The following NHLRC2 variants were observed in gnomAD, a reference collection of about 807,000 sequenced individuals.
The protein encoded by NHLRC2 is NHL repeat containing 2, also known as NHL repeat-containing protein 2.
Under a neutral mutation model 68.1 loss-of-function variants are expected in NHLRC2, and 33 were observed. The ratio of observed to expected loss-of-function variants is 0.48; its 90% confidence interval spans 0.37 to 0.65. The LOEUF is 0.65. Among genes scored for constraint, NHLRC2 ranks in the 30% least tolerant of loss-of-function variants. NHLRC2 has a pLI of 0.00. For missense variants in NHLRC2, 761 were observed against 853.8 expected (o/e 0.89, Z 1.35); for synonymous variants, 311 against 309.6 (o/e 1.00, Z -0.05).
At position 113,916,982 on chromosome 10, in the gene NHLRC2, CTG is replaced by C. The variant is rs1355714015; in HGVS notation, c.*8448_*8449del. ...TTGTATTTCTACATTTATTTCAAGA[CTG>C]TACTTTTCAGTGACTTTTTCAAGTG... is the stretch of plus-strand genomic sequence containing the variant. On this transcript the variant is annotated 3_prime_UTR_variant, in exon 11 of 11. Transcript: ENST00000369301. 3 of 152,276 alleles carry C rather than the reference CTG, an allele frequency of 2.0e-5. No homozygotes were observed. Among genetic ancestry groups the C allele is most frequent in the South Asian group, 2.1e-4 (1 of 4,830 alleles). The allele number at this position is 152,276 out of a possible 1,614,324, so 9.4% of individuals were successfully genotyped here.
chr10:113,875,525 C>T (rs1398566749), intron 2 of NHLRC2, among the ~76,000 whole-genome samples: 7 of 152,052 alleles, frequency 4.6e-5, no homozygotes, highest in Non-Finnish European at 1.0e-4. Context: ...AACTGGAACC[C>T]ACTCTCAGGA....
intron 2 of NHLRC2, 124 bp from the exon 3 acceptor site, chr10:113,876,397 T>C: frequency 1.8e-6 from 1 of 553,630 alleles, no homozygotes. Context: ...CCAGCGTAGT[T>C]CTACTTTTCG....
At chr10:113,874,527 A>G (rs1208043742) in intron 2 of NHLRC2, among the ~76,000 whole-genome samples, 1 of 147,682 alleles carries the variant, frequency 6.8e-6, no homozygotes, top group Non-Finnish European at 1.5e-5. Context: ...TTTGTTTATG[A>G]TGTGTCTAGA....
chr10:113,879,682 A>T lies in NHLRC2; in HGVS notation c.896A>T (p.His299Leu). The T allele has an allele frequency of 6.7e-7, 1 of 1,487,142 alleles. No individual in the cohort carries two copies. The highest frequency in any genetic ancestry group is 9.2e-7 in the Non-Finnish European group (1 of 1,092,458). The allele number at this position is 1,487,142 out of a possible 1,614,324, so 92.1% of individuals were successfully genotyped here. Residue 299 changes from histidine (H) to leucine (L), a missense_variant, in exon 4 of 11, where the codon CAC becomes CTC. Transcript: ENST00000369301. The part of the protein sequence containing the change: ...NIIYVADTEN[H>L]LIRKIDLEAE... ...ATATATGTGGCAGACACTGAAAACC[A>T]CCTTATAAGAAAGGTAATTTTCATT...
At chr10:113,886,112 G>A (rs1589543322) in intron 5 of NHLRC2, among the ~76,000 whole-genome samples, 1 of 151,902 alleles carries the variant, frequency 6.6e-6, no homozygotes, top group Non-Finnish European at 1.5e-5. Context: ...ATCCAAAAAG[G>A]AAATTATGGA....
At chr10:113,894,588 ACTAGGAC>A (rs1177377634) in intron 5 of NHLRC2, among the ~76,000 whole-genome samples, 1 of 151,342 alleles carries the variant, frequency 6.6e-6, no homozygotes, top group African/African-American at 2.4e-5. Context: ...TGTTGCACAA[ACTAGGAC>A]CTCCATAAGG....
chr10:113,908,566 C>T lies in NHLRC2; in HGVS notation c.*30C>T, dbSNP rs1394007858. ...CCAGCTAGCTAGCAACCCATTGCCA[C>T]CACCTACTGTCTCCCATCCTGACTA... On this transcript the variant is annotated 3_prime_UTR_variant, in exon 11 of 11. Coordinates refer to ENST00000369301, the MANE Select transcript of NHLRC2 (RefSeq NM_198514.4). The T allele has an allele frequency of 1.2e-6, 2 of 1,610,760 alleles. No homozygotes were observed. Among genetic ancestry groups the T allele is most frequent in the South Asian group, 1.1e-5 (1 of 90,884 alleles).
intron 4 of NHLRC2, among the ~76,000 whole-genome samples, chr10:113,883,923 T>C (rs909114260): frequency 6.6e-6 from 1 of 151,908 alleles, no homozygotes; most frequent in Non-Finnish European, 1.5e-5. Context: ...TTTAGAAACA[T>C]GTATTTTGCT....
intron 6 of NHLRC2, among the ~76,000 whole-genome samples, chr10:113,898,821 T>G (rs1342175296): frequency 6.6e-6 from 1 of 152,210 alleles, no homozygotes; most frequent in African/African-American, 2.4e-5. Context: ...ACTTTAACTT[T>G]CAAAGCCTCA....
Position 113,904,446 on chromosome 10 carries a change from G to A in NHLRC2, c.1705-371G>A, listed in dbSNP as rs188453248. ...CAACATAAATGTCATTTCTCTTCAC[G>A]TAGATCTCTGATATAAGATGAATAA... On this transcript the variant is annotated intron_variant, in intron 9 of 10. Transcript: ENST00000369301. Among the ~76,000 whole-genome samples, 7 of 152,112 alleles carry A rather than the reference G, an allele frequency of 4.6e-5. No individual in the cohort carries two copies. The East Asian group carries it at 9.7e-4, about 21-fold the overall frequency.
At chr10:113,873,299 A>G (rs1318255302) in intron 2 of NHLRC2, among the ~76,000 whole-genome samples, 1 of 152,162 alleles carries the variant, frequency 6.6e-6, no homozygotes, top group Non-Finnish European at 1.5e-5. Flanking sequence ...CTAGAGAACC[A>G]TGGGTGAGTA....
At chr10:113,861,373 T>C (rs955855857) in intron 2 of NHLRC2, among the ~76,000 whole-genome samples, 1 of 152,200 alleles carries the variant, frequency 6.6e-6, no homozygotes, top group African/African-American at 2.4e-5. Context: ...GACACATTAT[T>C]ATCAAACTGC....
chr10:113,897,075 A>G (rs1226119922), intron 5 of NHLRC2, among the ~76,000 whole-genome samples: 1 of 152,082 alleles, frequency 6.6e-6, no homozygotes, highest in African/African-American at 2.4e-5. Context: ...GTTAGAATGA[A>G]TAAGATTATT....
chr10:113,876,149 A>C (rs984576840), intron 2 of NHLRC2, among the ~76,000 whole-genome samples: 29 of 151,894 alleles, frequency 1.9e-4, no homozygotes, highest in African/African-American at 6.5e-4. Flanking sequence ...AATACCTCCC[A>C]AAAGCAGGCA....
Position 113,876,619 on chromosome 10 carries a change from C to T in NHLRC2, c.430C>T (p.Pro144Ser), listed in dbSNP as rs1283605060. Residue 144 changes from proline to serine, a missense_variant, in exon 3 of 11, where the codon CCT becomes TCT. By Grantham distance (74) the Pro-to-Ser change is moderately conservative. Coordinates refer to ENST00000369301, the MANE Select transcript of NHLRC2 (RefSeq NM_198514.4). ...TGTTCTTCGATACAACATCACCCAC[C>T]CTATGGTTAATGATGCAGATGCCAG... ...SAVLRYNITH[P>S]MVNDADASLW... 1.2e-6 allele frequency: 2 copies of T among 1,613,458 alleles called. No homozygotes were observed. The highest frequency in any genetic ancestry group is 1.7e-6 in the Non-Finnish European group (2 of 1,179,546).
At chr10:113,868,347 G>A (rs898048854) in intron 2 of NHLRC2, among the ~76,000 whole-genome samples, 2 of 151,680 alleles carry the variant, frequency 1.3e-5, no homozygotes, top group African/African-American at 4.9e-5. Flanking sequence ...CCCTATGTTG[G>A]CAAAGGATTC....
chr10:113,871,015 CTTTTTTT>C (rs1169108158), intron 2 of NHLRC2, among the ~76,000 whole-genome samples: 3 of 65,724 alleles, frequency 4.6e-5, no homozygotes, highest in African/African-American at 6.7e-5. Flanking sequence ...CTTCCTGCAT[CTTTTTTT>C]TTTTTTTTTT....
At chr10:113,858,738 G>T in intron 2 of NHLRC2, 58 bp downstream of exon 2, 1 of 1,275,828 alleles carries the variant, frequency 7.8e-7, no homozygotes, top group Non-Finnish European at 1.1e-6. Context: ...CTGGAAGAGT[G>T]GCTGACTCAT....
chr10:113,858,969 A>G (rs1280138188), intron 2 of NHLRC2: 1 of 233,030 alleles, frequency 4.3e-6, no homozygotes, highest in Non-Finnish European at 8.2e-6. Context: ...GTCTTTTTGT[A>G]TGTTGAGGCT....
Sources: gnomAD v4.1 joint callset for allele counts (sites outside exome capture counted in the v4.1 genomes callset) on GRCh38, gnomAD v4.1.1 for gene constraint, MANE v1.5 for transcripts, NCBI Gene and HGNC (gene_info 2026-07-23, HGNC 2026-07-21) for gene names.